Variants in FTO observed in about 807,000 individuals in gnomAD.
The protein encoded by FTO is alpha-ketoglutarate-dependent dioxygenase FTO.
In FTO, 47 loss-of-function variants were observed where a neutral mutation model predicts 63.9. That is an observed-to-expected ratio of 0.74 (90% CI 0.58 to 0.94). The LOEUF (loss-of-function observed/expected upper bound fraction) is 0.94. Ranked by LOEUF, FTO falls within the 40% of genes least tolerant of loss-of-function variation. FTO has a pLI of 0.00. For missense variants in FTO, 562 were observed against 618.1 expected (o/e 0.91, Z 0.96); for synonymous variants, 207 against 224.4 (o/e 0.92, Z 0.69).
chr16:53,875,116 G>A (rs1339907438), intron 5 of FTO, among the ~76,000 whole-genome samples: 1 of 152,068 alleles, frequency 6.6e-6, no homozygotes, highest in Non-Finnish European at 1.5e-5. Context: ...GAGGGAGGGA[G>A]GAAGGGAGGA....
intron 1 of FTO, among the ~76,000 whole-genome samples, chr16:53,774,950 G>C (rs2077428870): frequency 2.0e-5 from 3 of 152,172 alleles, no homozygotes. Flanking sequence ...TATGTTGCCT[G>C]CAGAAAAAGT....
chr16:53,898,444 T>C (rs948414460), intron 7 of FTO, among the ~76,000 whole-genome samples: 1 of 152,182 alleles, frequency 6.6e-6, no homozygotes, highest in African/African-American at 2.4e-5. Context: ...TACTGTACTC[T>C]TAACACTTTC....
chr16:54,121,431 C>G lies in FTO; in HGVS notation c.*9516C>G, dbSNP rs1255715155. ...AGGAAAATGGAGCCAGGAGCAAAACCTAAGGCTATTTCTGAACTAAAGAGG... is the reference window on the plus strand; with the variant it reads ...AGGAAAATGGAGCCAGGAGCAAAACGTAAGGCTATTTCTGAACTAAAGAGG... On this transcript the variant is annotated 3_prime_UTR_variant, in exon 9 of 9. Coordinates refer to ENST00000471389, the MANE Select transcript of FTO (RefSeq NM_001080432.3). The G allele has an allele frequency of 3.3e-5, 5 of 152,148 alleles. No homozygotes were observed. The highest frequency in any genetic ancestry group is 3.3e-4 in the Admixed American group (5 of 15,276). The allele number at this position is 152,148 out of a possible 1,614,324, so 9.4% of individuals were successfully genotyped here. A position where few individuals can be genotyped will look rare whatever the true frequency, so the allele number is the denominator to read the frequency against.
chr16:53,850,198 C>T (rs2079747695), intron 4 of FTO, among the ~76,000 whole-genome samples: 1 of 152,104 alleles, frequency 6.6e-6, no homozygotes, highest in Non-Finnish European at 1.5e-5. Context: ...GCTTGAACAG[C>T]CAAATGAGCA....
At chr16:54,006,018 G>A (rs1378264112) in intron 8 of FTO, among the ~76,000 whole-genome samples, 1 of 152,150 alleles carries the variant, frequency 6.6e-6, no homozygotes, top group Non-Finnish European at 1.5e-5. Context: ...TTTCCTCCCA[G>A]AGCAATTGAT....
chr16:53,930,245 T>C (rs1809002150), intron 7 of FTO, among the ~76,000 whole-genome samples: 1 of 145,604 alleles, frequency 6.9e-6, no homozygotes, highest in Non-Finnish European at 1.5e-5. Context: ...TTTTTTTTTT[T>C]TTGAGACAGA....
intron 8 of FTO, among the ~76,000 whole-genome samples, chr16:53,959,385 C>T (rs1005136904): frequency 8.5e-5 from 13 of 152,172 alleles, no homozygotes; most frequent in Admixed American, 7.9e-4. Flanking sequence ...ATGCCCACAG[C>T]TCTATGCCAA....
chr16:53,798,385 G>A (rs1189576781), intron 1 of FTO, among the ~76,000 whole-genome samples: 3 of 152,238 alleles, frequency 2.0e-5, no homozygotes, highest in African/African-American at 7.2e-5. Context: ...TTTGGGGACA[G>A]TGAAATATTT....
intron 1 of FTO, among the ~76,000 whole-genome samples, chr16:53,729,496 C>A (rs1293126614): frequency 7.9e-6 from 1 of 126,854 alleles, no homozygotes. Flanking sequence ...GACTGAGACT[C>A]CGTATCGGGG....
At position 53,826,333 on chromosome 16, in the gene FTO, C is replaced by A; in HGVS notation, c.593C>A (p.Ala198Glu). 1 of 1,614,156 alleles carries A rather than the reference C, an allele frequency of 6.2e-7. No homozygotes were observed. The highest frequency in any genetic ancestry group is 2.2e-5 in the East Asian group (1 of 44,872). Reference sequence around the variant, plus strand: ...GAAGTGGACATTAAGAGCAGAGCAGCATACAACGTAACTTTGCTGAATTTC... The same window carrying A: ...GAAGTGGACATTAAGAGCAGAGCAGAATACAACGTAACTTTGCTGAATTTC... ...QDEVDIKSRA[A>E]YNVTLLNFMD... The change falls in exon 3 of 9, where the codon GCA (alanine) becomes GAA (glutamate). Residue 198 changes from alanine (A) to glutamate (E), a missense_variant. Coordinates refer to ENST00000471389, the MANE Select transcript of FTO (RefSeq NM_001080432.3).
At chr16:53,875,065 G>A (rs941125563) in intron 5 of FTO, among the ~76,000 whole-genome samples, 6 of 152,044 alleles carry the variant, frequency 3.9e-5, no homozygotes, top group African/African-American at 7.2e-5. Flanking sequence ...AGGTAAGGAC[G>A]AACAGAGGAA....
intron 1 of FTO, among the ~76,000 whole-genome samples, chr16:53,719,377 G>A (rs946400010): frequency 1.3e-5 from 2 of 151,224 alleles, no homozygotes; most frequent in East Asian, 2.0e-4. Context: ...GATTACAGGC[G>A]TGCACCACCA....
chr16:53,790,659 T>C (rs908679516), intron 1 of FTO, among the ~76,000 whole-genome samples: 4 of 151,636 alleles, frequency 2.6e-5, no homozygotes, highest in African/African-American at 4.8e-5. Flanking sequence ...TTTGGTCTTA[T>C]TGAATCTTAG....
intron 7 of FTO, among the ~76,000 whole-genome samples, chr16:53,927,535 CTACAG>C (rs2082176214): frequency 6.6e-6 from 1 of 152,130 alleles, no homozygotes; most frequent in African/African-American, 2.4e-5. Flanking sequence ...TGTCCGCAGT[CTACAG>C]GGAACCCTTA....
intron 7 of FTO, among the ~76,000 whole-genome samples, chr16:53,921,032 A>T (rs1368665419): frequency 6.6e-6 from 1 of 152,192 alleles, no homozygotes; most frequent in East Asian, 1.9e-4. Flanking sequence ...TTTCTGCTTC[A>T]ATTCTTGTGT....
intron 2 of FTO, 129 bp from the exon 3 acceptor site, chr16:53,825,735 T>A: frequency 1.0e-6 from 1 of 977,794 alleles, no homozygotes; most frequent in Admixed American, 1.8e-5. Flanking sequence ...AAGATGTGAC[T>A]CCTATTTAGA....
At chr16:53,886,900 C>G (rs983116004) in intron 6 of FTO, 1 of 152,182 alleles carries the variant, frequency 6.6e-6, no homozygotes, top group African/African-American at 2.4e-5. Context: ...CTTAGCAAAG[C>G]CAGACAATCC....
At chr16:53,909,073 G>A (rs990414360) in intron 7 of FTO, among the ~76,000 whole-genome samples, 2 of 152,060 alleles carry the variant, frequency 1.3e-5, no homozygotes, top group East Asian at 1.9e-4. Flanking sequence ...TTCCTAGCAG[G>A]CCTGGGATGA....
At chr16:54,023,232 G>A (rs142065913) in intron 8 of FTO, among the ~76,000 whole-genome samples, 252 of 152,288 alleles carry the variant, frequency 1.7e-3, no homozygotes, top group African/African-American at 5.8e-3. Flanking sequence ...TGTATGAGGT[G>A]TAACAGCAAA....
Sources: allele counts gnomAD v4.1 joint callset (sites outside exome capture counted in the v4.1 genomes callset), GRCh38; gene constraint gnomAD v4.1.1; transcripts MANE v1.5; gene names NCBI Gene and HGNC (gene_info 2026-07-23, HGNC 2026-07-21).